STAG1: variants seen among roughly 807,000 people sequenced by gnomAD.
STAG1 encodes the protein STAG1 cohesin complex component, also known as cohesin subunit SA-1.
In STAG1, 26 loss-of-function variants were observed where a neutral mutation model predicts 170.9. That is an observed-to-expected ratio of 0.15 (90% CI 0.11 to 0.21). STAG1 has a LOEUF of 0.21. Ranked by LOEUF, STAG1 falls within the 10% of genes least tolerant of loss-of-function variation. The pLI, the probability that STAG1 is intolerant of heterozygous loss-of-function variation, is 1.00. For missense variants in STAG1, 964 were observed against 1,509.5 expected (o/e 0.64, Z 5.99); for synonymous variants, 514 against 497.7 (o/e 1.03, Z -0.44).
intron 4 of STAG1, among the ~76,000 whole-genome samples, chr3:136,601,425 A>G (rs1938670521): frequency 6.6e-6 from 1 of 152,208 alleles, no homozygotes; most frequent in Admixed American, 6.5e-5. Flanking sequence ...AGAAACAGTA[A>G]GAAGAAGTTG....
At chr3:136,617,093 A>G (rs1045597608) in intron 3 of STAG1, among the ~76,000 whole-genome samples, 1 of 152,220 alleles carries the variant, frequency 6.6e-6, no homozygotes, top group African/African-American at 2.4e-5. Context: ...CTTACTTGCA[A>G]AACAGTTCAT....
chr3:136,676,837 T>A (rs1407836493), intron 1 of STAG1, among the ~76,000 whole-genome samples: 1 of 152,146 alleles, frequency 6.6e-6, no homozygotes, highest in Non-Finnish European at 1.5e-5. Context: ...AAACTTTTTT[T>A]AAGTTAAGTT....
At chr3:136,590,145 A>G (rs1205983331) in intron 4 of STAG1, among the ~76,000 whole-genome samples, 1 of 151,336 alleles carries the variant, frequency 6.6e-6, no homozygotes, top group African/African-American at 2.4e-5. Context: ...ATAAAAATAC[A>G]TGTATCTCTG....
At chr3:136,750,989 G>GT (rs1935197539) in intron 1 of STAG1, among the ~76,000 whole-genome samples, 1 of 152,220 alleles carries the variant, frequency 6.6e-6, no homozygotes, top group South Asian at 2.1e-4. Flanking sequence ...AAACTAAAAT[G>GT]TAGAGTCATT....
In STAG1 at chr3:136,651,953, A is replaced by T. The variant is rs1353798471; in HGVS notation, c.-83-20972T>A. 2.0e-5 allele frequency among the ~76,000 whole-genome samples: 3 copies of T among 152,178 alleles called. No homozygotes were observed. The South Asian group carries it at 6.2e-4, about 32-fold the overall frequency. ...AAGAGGTAACACCTGAAGTCAGGTG[A>T]GTGATTCAGAATGAAGGAAAAAGGA... On this transcript the variant is annotated intron_variant, in intron 1 of 33. Transcript: ENST00000383202.
rs761764110 is a variant in STAG1 at position 136,379,683 on chromosome 3, C to T, written c.2278-1931G>A. Reference sequence around the variant, plus strand: ...GAGACTGCGCCACTGCACCCCAGCCCGGTCAATAGAGCAAGACTCTATCTC... The same window carrying T: ...GAGACTGCGCCACTGCACCCCAGCCTGGTCAATAGAGCAAGACTCTATCTC... On this transcript the variant is annotated intron_variant, in intron 22 of 33. Coordinates refer to ENST00000383202, the MANE Select transcript of STAG1 (RefSeq NM_005862.3). Among the ~76,000 whole-genome samples, 72 of 151,978 alleles carry T rather than the reference C, an allele frequency of 4.7e-4. 1 individual carries two copies. Among genetic ancestry groups the T allele is most frequent in the Middle Eastern group, 3.2e-3 (1 of 316 alleles).
At chr3:136,390,730 T>C (rs1024416081) in intron 22 of STAG1, among the ~76,000 whole-genome samples, 1 of 152,210 alleles carries the variant, frequency 6.6e-6, no homozygotes, top group African/African-American at 2.4e-5. Context: ...CAGTTAACTC[T>C]GCAGATAGGG....
chr3:136,440,076 A>C (rs147771652), intron 15 of STAG1, among the ~76,000 whole-genome samples: 262 of 152,344 alleles, frequency 1.7e-3, no homozygotes, highest in Admixed American at 4.9e-3. Flanking sequence ...ACATCTTATT[A>C]ACATGAGAGA....
At chr3:136,626,638 C>T (rs1050368385) in intron 2 of STAG1, among the ~76,000 whole-genome samples, 3 of 152,146 alleles carry the variant, frequency 2.0e-5, no homozygotes, top group Non-Finnish European at 2.9e-5. Flanking sequence ...CGGATCCAGT[C>T]AATCTTATTT....
intron 1 of STAG1, among the ~76,000 whole-genome samples, chr3:136,686,997 T>C (rs534573217): frequency 6.6e-6 from 1 of 152,296 alleles, no homozygotes; most frequent in South Asian, 2.1e-4. Context: ...GGAAAAAGGA[T>C]CTAACAACTG....
At chr3:136,463,731 G>GTA (rs2089341780) in intron 13 of STAG1, among the ~76,000 whole-genome samples, 1 of 70,994 alleles carries the variant, frequency 1.4e-5, no homozygotes, top group African/African-American at 5.3e-5. Context: ...AAAAAAATGT[G>GTA]TATATGTGTG....
At position 136,479,143 on chromosome 3, in the gene STAG1, T is replaced by C. The variant is rs1372517281; in HGVS notation, c.903-1731A>G. Among the ~76,000 whole-genome samples the C allele has an allele frequency of 2.0e-5, 3 of 149,414 alleles. No individual in the cohort carries two copies. In the South Asian group the frequency reaches 6.6e-4, roughly 33 times the overall value. Reference sequence around the variant, plus strand: ...GCACATTGTGCAGGTTAGTTACATATGTATACATGTGCCATGCTGGTGCGC... The same window carrying C: ...GCACATTGTGCAGGTTAGTTACATACGTATACATGTGCCATGCTGGTGCGC... On this transcript the variant is annotated intron_variant, in intron 9 of 33. Transcript: ENST00000383202.
intron 1 of STAG1, among the ~76,000 whole-genome samples, chr3:136,632,139 C>A (rs1940355772): frequency 6.6e-6 from 1 of 152,012 alleles, no homozygotes; most frequent in Admixed American, 6.6e-5. Context: ...AAAAAGTCAA[C>A]CCTGAATTAC....
At chr3:136,597,146 G>A (rs545490362) in intron 4 of STAG1, among the ~76,000 whole-genome samples, 1 of 152,012 alleles carries the variant, frequency 6.6e-6, no homozygotes, top group African/African-American at 2.4e-5. Context: ...ATAGAAATTT[G>A]GGATTTTTAT....
chr3:136,612,017 T>C (rs923147188), intron 3 of STAG1, among the ~76,000 whole-genome samples: 5 of 151,966 alleles, frequency 3.3e-5, no homozygotes, highest in Non-Finnish European at 7.4e-5. Flanking sequence ...CCAGCTAAGT[T>C]TTTGTATTTT....
chr3:136,341,244 A>G (rs1273094046), intron 31 of STAG1, among the ~76,000 whole-genome samples, 197 bp downstream of exon 31: 1 of 152,234 alleles, frequency 6.6e-6, no homozygotes, highest in Non-Finnish European at 1.5e-5. Context: ...AAGGCCATGC[A>G]GCTGCCAAGT....
intron 2 of STAG1, among the ~76,000 whole-genome samples, chr3:136,627,981 T>TA (rs1428081746): frequency 6.6e-6 from 1 of 152,202 alleles, no homozygotes; most frequent in African/African-American, 2.4e-5. Flanking sequence ...TCTAAGTATA[T>TA]AGCTTATTAT....
At chr3:136,348,294 T>G (rs959908067) in intron 29 of STAG1, among the ~76,000 whole-genome samples, 9 of 146,798 alleles carry the variant, frequency 6.1e-5, no homozygotes, top group African/African-American at 2.0e-4. Flanking sequence ...ATTTTTAGGT[T>G]TTTTTTTTTT....
At chr3:136,634,499 G>A (rs2107841437) in intron 1 of STAG1, among the ~76,000 whole-genome samples, 1 of 147,900 alleles carries the variant, frequency 6.8e-6, no homozygotes, top group East Asian at 2.0e-4. Flanking sequence ...AAAAACCAGA[G>A]AAATTAGAAT....
Sources: gnomAD v4.1 joint callset for allele counts (sites outside exome capture counted in the v4.1 genomes callset) on GRCh38, gnomAD v4.1.1 for gene constraint, MANE v1.5 for transcripts, NCBI Gene and HGNC (gene_info 2026-07-23, HGNC 2026-07-21) for gene names.